Variants in RORB observed in about 807,000 individuals in gnomAD.
RORB encodes the protein RAR related orphan receptor B.
A neutral mutation model predicts 59.1 loss-of-function variants in RORB; 6 were observed. That is an observed-to-expected ratio of 0.10 (90% CI 0.06 to 0.20). The LOEUF (loss-of-function observed/expected upper bound fraction) is 0.20, where lower values mean the gene tolerates loss of function less well. Ranked by LOEUF, RORB falls within the 10% of genes least tolerant of loss-of-function variation. The pLI is 1.00. For missense variants in RORB, 320 were observed against 560.5 expected (o/e 0.57, Z 4.33); for synonymous variants, 215 against 204.5 (o/e 1.05, Z -0.44).
At chr9:74,663,324 A>G (rs1218057940) in intron 6 of RORB, among the ~76,000 whole-genome samples, 1 of 152,204 alleles carries the variant, frequency 6.6e-6, no homozygotes, top group Non-Finnish European at 1.5e-5. Context: ...ATGTTTCCCT[A>G]TGACATCTCA....
At chr9:74,614,871 T>C (rs904856996) in intron 1 of RORB, among the ~76,000 whole-genome samples, 15 of 152,200 alleles carry the variant, frequency 9.9e-5, no homozygotes, top group African/African-American at 3.6e-4. Context: ...TCTGTCTTTG[T>C]TTCTTCATCA....
At position 74,568,023 on chromosome 9, in the gene RORB, G is replaced by T. The variant is rs72729276; in HGVS notation, c.8-62259G>T. On this transcript the variant is annotated intron_variant, in intron 1 of 9. Transcript: ENST00000376896. Reference sequence around the variant, plus strand: ...TAACCGCAAATCTGTAATTTAAATGGACAAATTATCCTGGTTAATAATCTA... The same window carrying T: ...TAACCGCAAATCTGTAATTTAAATGTACAAATTATCCTGGTTAATAATCTA... Among the ~76,000 whole-genome samples, 376 of 152,218 alleles carry T rather than the reference G, an allele frequency of 2.5e-3. 2 individuals are homozygous for T. The highest frequency in any genetic ancestry group is 4.1e-3 in the Non-Finnish European group (279 of 68,014).
chr9:74,623,287 A>G (rs1823454447), intron 1 of RORB, among the ~76,000 whole-genome samples: 1 of 152,166 alleles, frequency 6.6e-6, no homozygotes, highest in Non-Finnish European at 1.5e-5. Flanking sequence ...ACATTGCTAG[A>G]ATGCGGAGAA....
intron 1 of RORB, chr9:74,615,766 T>C: frequency 3.5e-6 from 1 of 286,350 alleles, no homozygotes; most frequent in Non-Finnish European, 7.1e-6. Flanking sequence ...CAAAAAAATA[T>C]TTTCTGACTC....
At chr9:74,636,462 G>A (rs1823704372) in intron 3 of RORB, among the ~76,000 whole-genome samples, 1 of 152,128 alleles carries the variant, frequency 6.6e-6, no homozygotes, top group African/African-American at 2.4e-5. Flanking sequence ...CAGATTTAGT[G>A]ACATCAGCCC....
intron 1 of RORB, among the ~76,000 whole-genome samples, chr9:74,606,799 G>T (rs969612428): frequency 4.6e-5 from 7 of 152,120 alleles, no homozygotes; most frequent in African/African-American, 1.7e-4. Context: ...AGTATATGTT[G>T]TTGGTGCCTT....
chr9:74,685,330 G>A (rs1031293971), intron 9 of RORB, 133 bp from the exon 10 acceptor site: 9 of 701,866 alleles, frequency 1.3e-5, no homozygotes, highest in Middle Eastern at 4.0e-4. Context: ...CTGAAAGTGC[G>A]CCTTCTTTCT....
At chr9:74,529,684 G>A (rs890650951) in intron 1 of RORB, among the ~76,000 whole-genome samples, 4 of 151,732 alleles carry the variant, frequency 2.6e-5, no homozygotes, top group African/African-American at 4.8e-5. Context: ...TACATAACAA[G>A]CACACAATGA....
rs34028088 is a variant in RORB, at chr9:74,608,563, C to CAAAA, written c.8-21704_8-21701dup. Among the ~76,000 whole-genome samples, 954 of 127,204 alleles carry CAAAA rather than the reference C, an allele frequency of 7.5e-3. 17 individuals carry two copies. Among genetic ancestry groups the CAAAA allele is most frequent in the African/African-American group, 0.025 (833 of 33,058 alleles). 83.5% of individuals were successfully genotyped at this position (127,204 alleles called of 152,430 possible). On this transcript the variant is annotated intron_variant, in intron 1 of 9. Transcript: ENST00000376896. ...TGGGCAACAGAGTGAGACTCCGTCTCAAAAAAAAAAAAAAAAAATTGCTAG... is the reference window on the plus strand; with the variant it reads ...TGGGCAACAGAGTGAGACTCCGTCTCAAAAAAAAAAAAAAAAAAAAAATTGCTAG...
At chr9:74,531,854 T>C (rs370888251) in intron 1 of RORB, among the ~76,000 whole-genome samples, 1 of 151,878 alleles carries the variant, frequency 6.6e-6, no homozygotes, top group South Asian at 2.1e-4. Context: ...TTCTTGCAGA[T>C]GGGGTGCAGT....
At chr9:74,573,058 C>G (rs1460712581) in intron 1 of RORB, among the ~76,000 whole-genome samples, 1 of 152,158 alleles carries the variant, frequency 6.6e-6, no homozygotes, top group Non-Finnish European at 1.5e-5. Context: ...TCCCAATCTA[C>G]TAAGTATATA....
intron 1 of RORB, among the ~76,000 whole-genome samples, chr9:74,510,860 G>T (rs1342175382): frequency 6.6e-6 from 1 of 152,100 alleles, no homozygotes; most frequent in African/African-American, 2.4e-5. Flanking sequence ...CAAACAGAAT[G>T]AGTAGCATCT....
intron 1 of RORB, among the ~76,000 whole-genome samples, chr9:74,569,694 T>C (rs1005787863): frequency 6.6e-6 from 1 of 152,012 alleles, no homozygotes; most frequent in Non-Finnish European, 1.5e-5. Context: ...AATTAAAAAA[T>C]TTGAAATTTG....
chr9:74,498,902 T>G lies in RORB; in HGVS notation c.7+919T>G, dbSNP rs1338337685. On this transcript the variant is annotated intron_variant, in intron 1 of 9. Transcript: ENST00000376896. ...CCAGGGACTGTAGCGTTACGCTTGC[T>G]CCGGCTGGACTCTGGGCCTCTCGAA... 3 of 153,900 alleles carry G rather than the reference T, an allele frequency of 1.9e-5. No individual in the cohort carries two copies. The Admixed American group carries it at 2.0e-4, about 10-fold the overall frequency. 9.5% of individuals were successfully genotyped at this position (153,900 alleles called of 1,614,324 possible).
intron 1 of RORB, among the ~76,000 whole-genome samples, chr9:74,609,117 T>C (rs1440566342): frequency 6.6e-6 from 1 of 152,236 alleles, no homozygotes; most frequent in East Asian, 1.9e-4. Context: ...GAATTAAATG[T>C]TTAATTAGTG....
intron 1 of RORB, among the ~76,000 whole-genome samples, chr9:74,611,838 C>A (rs1823236605): frequency 6.6e-6 from 1 of 152,084 alleles, no homozygotes; most frequent in African/African-American, 2.4e-5. Context: ...TTAGTAGAGA[C>A]AATGTTTCAC....
In RORB at chr9:74,584,867, T is replaced by G. The variant is rs189176585; in HGVS notation, c.8-45415T>G. Among the ~76,000 whole-genome samples, 251 of 152,326 alleles carry G rather than the reference T, an allele frequency of 1.6e-3. 2 individuals are homozygous for G. The highest frequency in any genetic ancestry group is 5.3e-3 in the African/African-American group (222 of 41,568). On this transcript the variant is annotated intron_variant, in intron 1 of 9. Transcript: ENST00000376896. ...TAGAGTGGATAGCCAGTTATGCTAA[T>G]GAAAGCTTCTGGCACTAGGACTGGC...
chr9:74,522,227 A>C (rs571602642), intron 1 of RORB, among the ~76,000 whole-genome samples: 10 of 151,866 alleles, frequency 6.6e-5, no homozygotes, highest in Admixed American at 5.9e-4. Flanking sequence ...CCCTCTAAAA[A>C]ATTGGCTGTC....
At chr9:74,662,955 T>G (rs1237315633) in intron 6 of RORB, among the ~76,000 whole-genome samples, 1 of 148,576 alleles carries the variant, frequency 6.7e-6, no homozygotes, top group African/African-American at 2.5e-5. Context: ...AAAAAAAAAA[T>G]GCAGGCTAGC....
Sources: allele counts gnomAD v4.1 joint callset (sites outside exome capture counted in the v4.1 genomes callset), GRCh38; gene constraint gnomAD v4.1.1; transcripts MANE v1.5; gene names NCBI Gene and HGNC (gene_info 2026-07-23, HGNC 2026-07-21).